The following HELZ variants were observed in gnomAD, a reference collection of about 807,000 sequenced individuals.
HELZ encodes the protein ATP-dependent RNA helicase with zinc finger domain.
In HELZ, 23 loss-of-function variants were observed where a neutral mutation model predicts 218.2. The observed-to-expected ratio is 0.11, with a 90% confidence interval of 0.08 to 0.15. The LOEUF is 0.15. Ranked by LOEUF, HELZ falls within the 10% of genes least tolerant of loss-of-function variation. The pLI, the probability that HELZ is intolerant of heterozygous loss-of-function variation, is 1.00. For missense variants in HELZ, 1,813 were observed against 2,353.7 expected (o/e 0.77, Z 4.75); for synonymous variants, 814 against 829.4 (o/e 0.98, Z 0.32).
Position 67,160,971 on chromosome 17 carries a change from G to T in HELZ, c.2001C>A (p.Ile667=). The change falls in exon 16 of 33, where the codon ATC becomes ATA. Residue 667 remains isoleucine (I), a synonymous_variant. Coordinates refer to ENST00000358691, the MANE Select transcript of HELZ (RefSeq NM_014877.4). ...ACGTTTTGCCTGTCCCATAGGGTCC[G>T]ATGATAAGCACAGGCGGCAGCTGGA... is the stretch of plus-strand genomic sequence containing the variant. ...LAIQLPPVLI[I]GPYGTGKTFT... is the part of the protein sequence containing the mutation. 1.9e-6 allele frequency: 3 copies of T among 1,613,744 alleles called. No homozygotes were observed. The highest frequency in any genetic ancestry group is 2.5e-6 in the Non-Finnish European group (3 of 1,179,794).
At chr17:67,193,935 T>C (rs558922653) in intron 9 of HELZ, 32 bp downstream of exon 9, 9 of 1,519,370 alleles carry the variant, frequency 5.9e-6, no homozygotes, top group African/African-American at 2.7e-5. Flanking sequence ...ACAAGACATG[T>C]CATTGTTTAA....
chr17:67,220,421 T>C (rs565026888), intron 3 of HELZ, among the ~76,000 whole-genome samples: 12 of 152,328 alleles, frequency 7.9e-5, no homozygotes, highest in Non-Finnish European at 5.9e-5. Flanking sequence ...TTGTTCAATA[T>C]TGGGGATTTA....
intron 3 of HELZ, among the ~76,000 whole-genome samples, chr17:67,229,876 T>C (rs1190669364): frequency 2.6e-5 from 4 of 152,214 alleles, no homozygotes; most frequent in African/African-American, 7.2e-5. Flanking sequence ...CAAGAAGCAT[T>C]AGAAGAGAGA....
intron 15 of HELZ, among the ~76,000 whole-genome samples, chr17:67,161,940 G>A (rs916184837): frequency 1.3e-5 from 2 of 152,156 alleles, no homozygotes; most frequent in Admixed American, 6.5e-5. Flanking sequence ...TGAGAGGGAT[G>A]TGAATCAAAA....
chr17:67,223,632 GT>G lies in HELZ; in HGVS notation c.-18-4811del, dbSNP rs529869572. On this transcript the variant is annotated intron_variant, in intron 3 of 32. Coordinates refer to ENST00000358691, the MANE Select transcript of HELZ (RefSeq NM_014877.4). ...CCGGATGTGGTAGCACATGCCTGTA[GT>G]CCCAGCTACTCGGGAGGCTGAGGCA... 4.4e-3 allele frequency among the ~76,000 whole-genome samples: 672 copies of G among 152,026 alleles called. 2 individuals carry two copies. The highest frequency in any genetic ancestry group is 8.1e-3 in the Non-Finnish European group (549 of 67,990).
intron 7 of HELZ, among the ~76,000 whole-genome samples, chr17:67,199,144 T>C (rs942560126): frequency 6.6e-6 from 1 of 151,816 alleles, no homozygotes; most frequent in African/African-American, 2.4e-5. Context: ...TGTTACTTCT[T>C]AGAAATTAAA....
chr17:67,194,637 T>C (rs1405538857), intron 8 of HELZ, among the ~76,000 whole-genome samples: 2 of 152,196 alleles, frequency 1.3e-5, no homozygotes, highest in Non-Finnish European at 2.9e-5. Context: ...TGAGCTTTGA[T>C]TTGTTTGGAT....
At chr17:67,225,241 C>A in intron 3 of HELZ, 1 of 247,820 alleles carries the variant, frequency 4.0e-6, no homozygotes, top group Non-Finnish European at 7.8e-6. Context: ...TCACAATGAC[C>A]CTATAAAGTA....
At chr17:67,179,691 A>G (rs1302510395) in intron 12 of HELZ, 3 of 152,196 alleles carry the variant, frequency 2.0e-5, no homozygotes, top group African/African-American at 4.8e-5. Context: ...TGTAGTGCGT[A>G]TTACTTTTCT....
At chr17:67,117,847 G>A (rs2037476163) in intron 27 of HELZ, among the ~76,000 whole-genome samples, 1 of 151,780 alleles carries the variant, frequency 6.6e-6, no homozygotes, top group Admixed American at 6.6e-5. Context: ...CACCGTGCTC[G>A]GCCTGAAAAC....
rs187647976 is a variant in HELZ at position 67,184,397 on chromosome 17, G to A, written c.1162+3922C>T. Among the ~76,000 whole-genome samples, 249 of 152,164 alleles carry A rather than the reference G, an allele frequency of 1.6e-3. 2 individuals are homozygous for A. Among genetic ancestry groups the A allele is most frequent in the African/African-American group, 5.7e-3 (237 of 41,518 alleles). On this transcript the variant is annotated intron_variant, in intron 12 of 32. Transcript: ENST00000358691. ...TTATAAACTTATGCAAGAGAAATACGGTTCCAGCATTCATTTAAGGACAAA... is the reference window on the plus strand; with the variant it reads ...TTATAAACTTATGCAAGAGAAATACAGTTCCAGCATTCATTTAAGGACAAA...
rs1168902045 is a variant in HELZ at position 67,075,605 on chromosome 17, T to C, written c.*2647A>G. On this transcript the variant is annotated 3_prime_UTR_variant, in exon 33 of 33. Transcript: ENST00000358691. ...TTTGATGGAAACTTGCAATGATTCT[T>C]ACACAAGACGTGTTCAAAATGTTAT... 6.6e-6 allele frequency: 1 copy of C among 152,242 alleles called. No individual in the cohort carries two copies. The highest frequency in any genetic ancestry group is 1.5e-5 in the Non-Finnish European group (1 of 68,038). 9.4% of individuals were successfully genotyped at this position (152,242 alleles called of 1,614,324 possible). A position where few individuals can be genotyped will look rare whatever the true frequency, so the allele number is the denominator to read the frequency against.
intron 12 of HELZ, among the ~76,000 whole-genome samples, chr17:67,185,921 G>A (rs1301279905): frequency 1.3e-5 from 2 of 152,158 alleles, no homozygotes; most frequent in East Asian, 3.8e-4. Context: ...TGAATGAAAT[G>A]TAAAACTTAA....
intron 1 of HELZ, chr17:67,244,142 TTAATA>T: frequency 3.2e-6 from 1 of 314,310 alleles, no homozygotes; most frequent in Non-Finnish European, 4.5e-6. Flanking sequence ...GGAAATTTCA[TTAATA>T]TGAGTTTAAG....
chr17:67,107,426 A>C lies in HELZ; in HGVS notation c.4984T>G (p.Phe1662Val). The change falls in exon 31 of 33, where the codon TTC (phenylalanine) becomes GTC (valine). Residue 1662 changes from phenylalanine to valine, a missense_variant. This residue lies in a region of HELZ where 938 missense variants were observed against 1,027.5 expected (regional missense o/e 0.91). Coordinates refer to ENST00000358691, the MANE Select transcript of HELZ (RefSeq NM_014877.4). The stretch of plus-strand genomic sequence containing the variant: ...GCAAGGTGTTCAGATGGCAACGAGA[A>C]AGGTGAGTTGAATATCTGGGGTGGG... ...RLPPQIFNSP[F>V]SLPSEHLAPP... is the part of the protein sequence containing the mutation. The C allele has an allele frequency of 1.2e-6, 2 of 1,614,208 alleles. No homozygotes were observed. The highest frequency in any genetic ancestry group is 1.7e-6 in the Non-Finnish European group (2 of 1,180,022).
chr17:67,110,901 G>A (rs2037261576), intron 28 of HELZ, among the ~76,000 whole-genome samples: 1 of 152,148 alleles, frequency 6.6e-6, no homozygotes, highest in Non-Finnish European at 1.5e-5. Context: ...TATCACTAGA[G>A]GTACTGTAAG....
At chr17:67,199,210 CT>C (rs1156398239) in intron 7 of HELZ, among the ~76,000 whole-genome samples, 5,172 of 122,942 alleles carry the variant, frequency 0.042, 160 homozygotes, top group African/African-American at 0.13. Context: ...TTTGCCATTA[CT>C]TTTTTTTTTT....
chr17:67,203,668 T>C (rs971256792), intron 5 of HELZ, among the ~76,000 whole-genome samples: 3 of 152,194 alleles, frequency 2.0e-5, no homozygotes, highest in Admixed American at 6.5e-5. Flanking sequence ...CCAGTTGAGA[T>C]CAAAATCACA....
chr17:67,073,096 ACT>A lies in HELZ; in HGVS notation c.*5154_*5155del, dbSNP rs1456556649. On this transcript the variant is annotated 3_prime_UTR_variant, in exon 33 of 33. Coordinates refer to ENST00000358691, the MANE Select transcript of HELZ (RefSeq NM_014877.4). ...AAAACAGGACAGATCTGTAAATAGT[ACT>A]ATGTGACTTCTACTCTGTGTTGCAA... 1.3e-5 allele frequency: 2 copies of A among 152,224 alleles called. No individual in the cohort carries two copies. Among genetic ancestry groups the A allele is most frequent in the Non-Finnish European group, 2.9e-5 (2 of 68,034 alleles). The allele number at this position is 152,224 out of a possible 1,614,324, so 9.4% of individuals were successfully genotyped here. A position where few individuals can be genotyped will look rare whatever the true frequency, so the allele number is the denominator to read the frequency against.
Sources: allele counts gnomAD v4.1 joint callset (sites outside exome capture counted in the v4.1 genomes callset), GRCh38; gene constraint gnomAD v4.1.1; regional missense constraint gnomAD v4.1.1; transcripts MANE v1.5; gene names NCBI Gene and HGNC (gene_info 2026-07-23, HGNC 2026-07-21).